THSD7A: variants seen among roughly 807,000 people sequenced by gnomAD.
THSD7A encodes thrombospondin type-1 domain-containing protein 7A.
In THSD7A, 96 loss-of-function variants were observed where a neutral mutation model predicts 231.3. The ratio of observed to expected loss-of-function variants is 0.41; its 90% CI spans 0.35 to 0.49. The LOEUF (loss-of-function observed/expected upper bound fraction) is 0.49. Ranked by LOEUF, THSD7A falls within the 20% of genes least tolerant of loss-of-function variation. The pLI is 0.05. For missense variants in THSD7A, 2,290 were observed against 2,070.2 expected (o/e 1.11, Z -2.06); for synonymous variants, 940 against 743.3 (o/e 1.26, Z -4.30).
At chr7:11,468,661 C>A (rs995936680) in intron 9 of THSD7A, among the ~76,000 whole-genome samples, 1 of 151,886 alleles carries the variant, frequency 6.6e-6, no homozygotes, top group African/African-American at 2.4e-5. Context: ...TGGCACAAAC[C>A]CATCTCTACT....
At chr7:11,392,572 C>A (rs890553549) in intron 23 of THSD7A, among the ~76,000 whole-genome samples, 1 of 152,178 alleles carries the variant, frequency 6.6e-6, no homozygotes, top group Non-Finnish European at 1.5e-5. Flanking sequence ...AGCCAGGGAG[C>A]TGAGTGGACT....
In THSD7A at chr7:11,687,506, C is replaced by G. The variant is rs895759447; in HGVS notation, c.191-50545G>C. On this transcript the variant is annotated intron_variant, in intron 1 of 27. Coordinates refer to ENST00000423059, the MANE Select transcript of THSD7A (RefSeq NM_015204.3). The stretch of plus-strand genomic sequence containing the variant: ...CTCAGACAACCTTAAAATATCAAAA[C>G]ATTCTTCTCAGTAGAAGACTGAAGA... Among the ~76,000 whole-genome samples, 8 of 151,962 alleles carry G rather than the reference C, an allele frequency of 5.3e-5. No homozygotes were observed. The East Asian group carries it at 1.6e-3, about 30-fold the overall frequency.
At position 11,541,578 on chromosome 7, in the gene THSD7A, C is replaced by A. The variant is rs551848804; in HGVS notation, c.1663G>T (p.Val555Leu). 8.1e-6 allele frequency: 13 copies of A among 1,613,936 alleles called. No homozygotes were observed. The highest frequency in any genetic ancestry group is 1.0e-5 in the Non-Finnish European group (12 of 1,179,870). Residue 555 changes from valine (V) to leucine (L), a missense_variant, in exon 6 of 28, where the codon GTA becomes TTA. Physicochemically the swap from Val to Leu is conservative, Grantham distance 32. Transcript: ENST00000423059. ...AGTAAGTGAGGGCAGTTTCCGGTTA[C>A]CCCAGAGCCTCCAGTGGGCTCATTG... The part of the protein sequence containing the change: ...ITNEPTGGSG[V>L]TGNCPHLLEA...
chr7:11,415,126 C>A (rs1340059425), intron 17 of THSD7A, among the ~76,000 whole-genome samples: 2 of 152,196 alleles, frequency 1.3e-5, no homozygotes, highest in African/African-American at 4.8e-5. Context: ...CACTGAGTTT[C>A]AAATGTGGCC....
At chr7:11,493,893 T>C (rs1311348211) in intron 6 of THSD7A, among the ~76,000 whole-genome samples, 4 of 151,918 alleles carry the variant, frequency 2.6e-5, no homozygotes, top group African/African-American at 9.7e-5. Context: ...TATAAGGTAT[T>C]TTGACGAGTG....
At chr7:11,549,851 A>G (rs1201237825) in intron 4 of THSD7A, among the ~76,000 whole-genome samples, 2 of 152,122 alleles carry the variant, frequency 1.3e-5, no homozygotes, top group East Asian at 3.9e-4. Context: ...TGACAGGTGC[A>G]GCAAATCACC....
At chr7:11,381,219 A>AT (rs1295056432) in intron 24 of THSD7A, among the ~76,000 whole-genome samples, 1 of 152,056 alleles carries the variant, frequency 6.6e-6, no homozygotes, top group Non-Finnish European at 1.5e-5. Context: ...GATGGAGCAG[A>AT]TTTTTCTCCC....
chr7:11,546,559 A>C (rs1368194068), intron 4 of THSD7A, among the ~76,000 whole-genome samples: 3 of 152,212 alleles, frequency 2.0e-5, no homozygotes, highest in African/African-American at 7.2e-5. Context: ...AAAAGCAATA[A>C]GCCACATTCA....
rs1293455722 is a variant in THSD7A, at chr7:11,637,491, G to A, written c.191-530C>T. Among the ~76,000 whole-genome samples the A allele has an allele frequency of 6.6e-6, 1 of 152,128 alleles. No individual in the cohort carries two copies. The highest frequency in any genetic ancestry group is 1.5e-5 in the Non-Finnish European group (1 of 68,034). On this transcript the variant is annotated intron_variant, in intron 1 of 27. Coordinates refer to ENST00000423059, the MANE Select transcript of THSD7A (RefSeq NM_015204.3). The surrounding 1 kb of genome is among the most constrained non-coding windows in gnomAD (Gnocchi z 4.2). ...AGGGTCTAATAGTTGTATATCATGTGTGCCACTAGAGCTTAAAGTGTTCAC... is the reference window on the plus strand; with the variant it reads ...AGGGTCTAATAGTTGTATATCATGTATGCCACTAGAGCTTAAAGTGTTCAC...
intron 6 of THSD7A, among the ~76,000 whole-genome samples, chr7:11,500,945 G>GA (rs58270445): frequency 0.42 from 50,745 of 120,380 alleles, 9,523 homozygotes; most frequent in Admixed American, 0.52. Context: ...AAAAAAGAAA[G>GA]AAAAAAAAAA....
At chr7:11,615,174 G>A (rs2128350402) in intron 2 of THSD7A, among the ~76,000 whole-genome samples, 1 of 152,300 alleles carries the variant, frequency 6.6e-6, no homozygotes, top group East Asian at 1.9e-4. Context: ...TAAGGTGTAT[G>A]CAACTGCGTG....
chr7:11,458,669 G>A (rs957697639), intron 11 of THSD7A, among the ~76,000 whole-genome samples: 22 of 152,186 alleles, frequency 1.4e-4, no homozygotes, highest in Admixed American at 1.4e-3. Context: ...GGAGAAAGTC[G>A]CACACTGAAG....
intron 2 of THSD7A, among the ~76,000 whole-genome samples, chr7:11,623,524 C>G (rs1781383775): frequency 1.3e-5 from 2 of 152,024 alleles, no homozygotes; most frequent in Non-Finnish European, 2.9e-5. Context: ...GATTCATCAT[C>G]TATTATAAAA....
rs1190429230 is a variant in THSD7A, at chr7:11,499,606, T to C, written c.1823-17624A>G. On this transcript the variant is annotated intron_variant, in intron 6 of 27. Coordinates refer to ENST00000423059, the MANE Select transcript of THSD7A (RefSeq NM_015204.3). ...GCAATACAGGAGCTGAAGGACAGCA[T>C]AGCCAGTACAAAAAAGAATCTAATG... Among the ~76,000 whole-genome samples the C allele has an allele frequency of 3.3e-5, 5 of 152,236 alleles. No homozygotes were observed. In the East Asian group the frequency reaches 7.7e-4, roughly 24 times the overall value.
intron 1 of THSD7A, chr7:11,820,675 T>C: frequency 1.2e-6 from 1 of 839,574 alleles, no homozygotes; most frequent in Non-Finnish European, 2.1e-6. Flanking sequence ...CCACAAAGAC[T>C]TTAGTCCCCA....
chr7:11,476,447 A>G (rs1477957239), intron 7 of THSD7A, among the ~76,000 whole-genome samples: 1 of 152,084 alleles, frequency 6.6e-6, no homozygotes, highest in Admixed American at 6.6e-5. Flanking sequence ...TTTGGTTTCC[A>G]AATGACATTT....
intron 1 of THSD7A, among the ~76,000 whole-genome samples, chr7:11,644,033 G>A (rs913041622): frequency 7.1e-6 from 1 of 140,198 alleles, no homozygotes; most frequent in Admixed American, 7.4e-5. Flanking sequence ...TTTCTTGGAG[G>A]GTTCATCCTT....
chr7:11,502,976 T>C (rs1261810989), intron 6 of THSD7A, among the ~76,000 whole-genome samples: 1 of 152,154 alleles, frequency 6.6e-6, no homozygotes, highest in Admixed American at 6.6e-5. Flanking sequence ...AAAATTTATA[T>C]GAAACCAAAA....
chr7:11,624,360 T>C (rs1781412465), intron 2 of THSD7A, among the ~76,000 whole-genome samples: 1 of 152,158 alleles, frequency 6.6e-6, no homozygotes, highest in Non-Finnish European at 1.5e-5. Context: ...TTTTCTGCCT[T>C]ACCATCAAGG....
Sources: allele counts gnomAD v4.1 joint callset (sites outside exome capture counted in the v4.1 genomes callset), GRCh38; gene constraint gnomAD v4.1.1; non-coding constraint Gnocchi (gnomAD v3.1); transcripts MANE v1.5; gene names NCBI Gene and HGNC (gene_info 2026-07-23, HGNC 2026-07-21).